Variants in SCHIP1 observed in about 807,000 individuals in gnomAD.
SCHIP1 encodes the protein schwannomin-interacting protein 1.
In SCHIP1, 8 loss-of-function variants were observed where a neutral mutation model predicts 29.7. The observed-to-expected ratio is 0.27, with a 90% CI of 0.16 to 0.49. The LOEUF (loss-of-function observed/expected upper bound fraction) is 0.49, where lower values mean the gene tolerates loss of function less well. Among genes scored for constraint, SCHIP1 ranks in the 20% least tolerant of loss-of-function variants. SCHIP1 has a pLI of 0.99. For missense variants in SCHIP1, 193 were observed against 294.6 expected (o/e 0.66, Z 2.52); for synonymous variants, 76 against 94.9 (o/e 0.80, Z 1.16).
the SCHIP1 span, among the ~76,000 whole-genome samples, chr3:159,338,881 C>G: frequency 1.3e-5 from 2 of 152,060 alleles, no homozygotes; most frequent in African/African-American, 4.8e-5. Context: ...TGCTGAAATT[C>G]TAAGTGAAAG....
the SCHIP1 span, among the ~76,000 whole-genome samples, chr3:159,580,753 G>A: frequency 6.6e-6 from 1 of 152,314 alleles, no homozygotes; most frequent in South Asian, 2.1e-4. Flanking sequence ...GATACAAGTT[G>A]TAAGTGTCCA....
chr3:159,611,477 A>T, the SCHIP1 span, among the ~76,000 whole-genome samples: 1 of 139,368 alleles, frequency 7.2e-6, no homozygotes, highest in African/African-American at 2.6e-5. Flanking sequence ...GGAGTTGAAC[A>T]GTGAGAACAC....
chr3:159,619,290 T>C, the SCHIP1 span, among the ~76,000 whole-genome samples: 8 of 152,168 alleles, frequency 5.3e-5, no homozygotes, highest in Admixed American at 2.0e-4. Context: ...TGGTAATGCC[T>C]GGAAATAAAG....
the SCHIP1 span, among the ~76,000 whole-genome samples, chr3:159,479,128 G>C: frequency 6.6e-6 from 1 of 152,088 alleles, no homozygotes; most frequent in Non-Finnish European, 1.5e-5. Context: ...TATTAAGCCA[G>C]AAAAATAGAA....
At chr3:159,736,736 CTTT>C in the SCHIP1 span, among the ~76,000 whole-genome samples, 2 of 141,634 alleles carry the variant, frequency 1.4e-5, no homozygotes, top group Admixed American at 7.1e-5. Context: ...AGCCCATATT[CTTT>C]TTTTTTTTTT....
At chr3:159,719,835 A>G in the SCHIP1 span, among the ~76,000 whole-genome samples, 2 of 152,360 alleles carry the variant, frequency 1.3e-5, no homozygotes, top group East Asian at 1.9e-4. Context: ...AGATTCCTCA[A>G]GGATCTAGAA....
chr3:159,610,537 C>A, the SCHIP1 span, among the ~76,000 whole-genome samples: 1 of 152,274 alleles, frequency 6.6e-6, no homozygotes, highest in South Asian at 2.1e-4. Flanking sequence ...GTGGAAGTCT[C>A]CAAAGACTTC....
chr3:159,297,589 A>AT, the SCHIP1 span, among the ~76,000 whole-genome samples: 1 of 152,108 alleles, frequency 6.6e-6, no homozygotes, highest in African/African-American at 2.4e-5. Flanking sequence ...CTAAGCAATG[A>AT]TGATGGTAAA....
chr3:159,300,113 CTTTTTTT>C, the SCHIP1 span, among the ~76,000 whole-genome samples: 21 of 45,380 alleles, frequency 4.6e-4, no homozygotes, highest in South Asian at 7.3e-3. Flanking sequence ...GGGAAAGCTG[CTTTTTTT>C]TTTTTTTTTT....
chr3:159,542,332 C>T, the SCHIP1 span, among the ~76,000 whole-genome samples: 1 of 152,174 alleles, frequency 6.6e-6, no homozygotes, highest in South Asian at 2.1e-4. Flanking sequence ...AATGAACATT[C>T]TCATTGCCAC....
the SCHIP1 span, among the ~76,000 whole-genome samples, chr3:159,385,723 CT>C: frequency 6.6e-6 from 1 of 152,046 alleles, no homozygotes; most frequent in African/African-American, 2.4e-5. Flanking sequence ...TAAAATTATA[CT>C]TTAAGTTCTG....
chr3:159,387,345 G>T, the SCHIP1 span: 2 of 380,520 alleles, frequency 5.3e-6, no homozygotes, highest in Non-Finnish European at 1.0e-5. Flanking sequence ...TATGGGCAGG[G>T]AGAAGAGATA....
chr3:159,536,651 A>G, the SCHIP1 span, among the ~76,000 whole-genome samples: 1 of 152,156 alleles, frequency 6.6e-6, no homozygotes, highest in African/African-American at 2.4e-5. Flanking sequence ...ATGTTAGAGA[A>G]GACTCCATCC....
the SCHIP1 span, among the ~76,000 whole-genome samples, chr3:159,411,019 G>A: frequency 1.9e-4 from 29 of 152,132 alleles, no homozygotes; most frequent in East Asian, 4.4e-3. Flanking sequence ...GAAATAAGCC[G>A]GGCACTGAAA....
the SCHIP1 span, among the ~76,000 whole-genome samples, chr3:159,440,182 G>C: frequency 6.6e-6 from 1 of 151,990 alleles, no homozygotes; most frequent in Non-Finnish European, 1.5e-5. Context: ...TGTTTATTTT[G>C]GTCAGATTTG....
chr3:159,782,623 T>C, the SCHIP1 span, among the ~76,000 whole-genome samples: 2 of 152,238 alleles, frequency 1.3e-5, no homozygotes, highest in African/African-American at 2.4e-5. Context: ...TGTGCTTACT[T>C]GTAATTATCA....
At chr3:159,663,576 G>A in the SCHIP1 span, among the ~76,000 whole-genome samples, 2 of 152,132 alleles carry the variant, frequency 1.3e-5, no homozygotes, top group East Asian at 3.9e-4. Context: ...GATATTAACA[G>A]TACCTAACTC....
chr3:159,684,735 C>G, the SCHIP1 span, among the ~76,000 whole-genome samples: 3 of 145,662 alleles, frequency 2.1e-5, no homozygotes, highest in African/African-American at 7.7e-5. Flanking sequence ...ACCCAGGAGG[C>G]GGAGGTTGCA....
the SCHIP1 span, among the ~76,000 whole-genome samples, chr3:159,333,588 C>G: frequency 6.6e-6 from 1 of 152,120 alleles, no homozygotes; most frequent in Non-Finnish European, 1.5e-5. Context: ...AGATACAATA[C>G]CATCCTCAAC....
Sources: allele counts gnomAD v4.1 joint callset (sites outside exome capture counted in the v4.1 genomes callset), GRCh38; gene constraint gnomAD v4.1.1; transcripts MANE v1.5; gene names NCBI Gene and HGNC (gene_info 2026-07-23, HGNC 2026-07-21).